Variants in SEMA6C observed in about 807,000 individuals in gnomAD.
The protein encoded by SEMA6C is semaphorin-6C.
A neutral mutation model predicts 72.9 loss-of-function variants in SEMA6C; 37 were observed. The observed-to-expected ratio is 0.51, with a 90% CI of 0.39 to 0.67. The LOEUF is 0.67. Among genes scored for constraint, SEMA6C ranks in the 30% least tolerant of loss-of-function variants. SEMA6C has a pLI of 0.00. For synonymous variants in SEMA6C, 578 were observed against 554.1 expected (o/e 1.04, Z -0.61); for missense variants, 1,189 against 1,263.6 (o/e 0.94, Z 0.89).
chr1:151,134,340 GAC>G, intron 18 of SEMA6C, 59 bp downstream of exon 18: 1 of 1,434,584 alleles, frequency 7.0e-7, no homozygotes, highest in Non-Finnish European at 9.6e-7. Context: ...GCTGCTACAG[GAC>G]ACACACTCAG....
chr1:151,137,755 A>C lies in SEMA6C; in HGVS notation c.712T>G (p.Phe238Val), dbSNP rs1682172343. 2 of 1,613,702 alleles carry C rather than the reference A, an allele frequency of 1.2e-6. No homozygotes were observed. Among genetic ancestry groups the C allele is most frequent in the African/African-American group, 1.3e-5 (1 of 74,888 alleles). ...TCCACAGAGACCTCGCGGAAGAAGAAGTAGACATGGTCTCCATGCTCCAAG... is the reference window on the plus strand; with the variant it reads ...TCCACAGAGACCTCGCGGAAGAAGACGTAGACATGGTCTCCATGCTCCAAG... The part of the protein sequence containing the change: ...QALEHGDHVY[F>V]FFREVSVEDA... Residue 238 changes from phenylalanine (F) to valine (V), a missense_variant, in exon 10 of 19, where the codon TTC (phenylalanine) becomes GTC (valine). Physicochemically the swap from Phe to Val is conservative, Grantham distance 50 (BLOSUM62 -1). Coordinates refer to ENST00000368914, the MANE Select transcript of SEMA6C (RefSeq NM_030913.6).
Position 151,132,758 on chromosome 1 carries a change from G to C in SEMA6C, c.2519C>G (p.Pro840Arg). 2 of 1,440,634 alleles carry C rather than the reference G, an allele frequency of 1.4e-6. No homozygotes were observed. Among genetic ancestry groups the C allele is most frequent in the South Asian group, 1.5e-5 (1 of 66,952 alleles). The allele number at this position is 1,440,634 out of a possible 1,614,324, so 89.2% of individuals were successfully genotyped here. ...TCCGCCGACGCCCAGCCGGGGAGCG[G>C]GGGCGGAGAGCGCGGGCCGGGCGGG... ...SAPARPALSA[P>R]APRLGVGGGR... is the part of the protein sequence containing the mutation. Residue 840 changes from proline to arginine, a missense_variant, in exon 19 of 19, where the codon CCC becomes CGC. Physicochemically the swap from Pro to Arg is moderately radical, Grantham distance 103. This residue lies in a region of SEMA6C where 721 missense variants were observed against 686.2 expected (regional missense o/e 1.05). Transcript: ENST00000368914.
At chr1:151,137,560 C>T in intron 10 of SEMA6C, 151 bp downstream of exon 10, 1 of 643,686 alleles carries the variant, frequency 1.6e-6, no homozygotes. Flanking sequence ...GATGTGGGGT[C>T]AGAGGGCTTG....
chr1:151,142,981 G>T (rs1682676335), intron 2 of SEMA6C, among the ~76,000 whole-genome samples: 1 of 152,128 alleles, frequency 6.6e-6, no homozygotes. Flanking sequence ...TTCAGTAGGT[G>T]ACACCTCCTG....
At position 151,137,057 on chromosome 1, in the gene SEMA6C, T is replaced by G; in HGVS notation, c.774A>C (p.Val258=). Residue 258 remains valine (V), a synonymous_variant, in exon 11 of 19, where the codon GTA becomes GTC. Coordinates refer to ENST00000368914, the MANE Select transcript of SEMA6C (RefSeq NM_030913.6). ...CCATGTCACGTTTACATACTCGGGCTACGCGGGAGAACTGCACCTAGGGGA... is the reference window on the plus strand; with the variant it reads ...CCATGTCACGTTTACATACTCGGGCGACGCGGGAGAACTGCACCTAGGGGA... ...ARLGRVQFSR[V]ARVCKRDMGG... 3 of 1,613,452 alleles carry G rather than the reference T, an allele frequency of 1.9e-6. No homozygotes were observed. The highest frequency in any genetic ancestry group is 2.5e-6 in the Non-Finnish European group (3 of 1,180,016).
In SEMA6C at chr1:151,132,764, G is replaced by A. The variant is rs1351645927; in HGVS notation, c.2513C>T (p.Ser838Phe). Residue 838 changes from serine (S) to phenylalanine (F), a missense_variant, in exon 19 of 19, where the codon TCC becomes TTC. By Grantham distance (155) the Ser-to-Phe change is radical. Around this residue, in one of 2 missense-constraint regions of SEMA6C, gnomAD observed 721 missense variants for 686.2 expected, o/e 1.05. Coordinates refer to ENST00000368914, the MANE Select transcript of SEMA6C (RefSeq NM_030913.6). ...CASAPARPAL[S>F]APAPRLGVGG... The stretch of plus-strand genomic sequence containing the variant: ...GACGCCCAGCCGGGGAGCGGGGGCG[G>A]AGAGCGCGGGCCGGGCGGGGGCAGA... 2.0e-5 allele frequency: 29 copies of A among 1,436,312 alleles called. No homozygotes were observed. Among genetic ancestry groups the A allele is most frequent in the Middle Eastern group, 5.0e-4 (2 of 3,996 alleles). The allele number at this position is 1,436,312 out of a possible 1,614,324, so 89.0% of individuals were successfully genotyped here. A position where few individuals can be genotyped will look rare whatever the true frequency, so the allele number is the denominator to read the frequency against.
chr1:151,135,964 G>C, intron 13 of SEMA6C, 47 bp downstream of exon 13: 1 of 1,611,124 alleles, frequency 6.2e-7, no homozygotes, highest in Non-Finnish European at 8.5e-7. Context: ...AAAGAGGAGG[G>C]TGGCTGAGAA....
chr1:151,140,769 CG>C (rs1287024085), intron 3 of SEMA6C, among the ~76,000 whole-genome samples: 3 of 152,148 alleles, frequency 2.0e-5, no homozygotes, highest in Non-Finnish European at 4.4e-5. Flanking sequence ...CCGAGGCGGG[CG>C]GATCACAAGG....
At position 151,134,796 on chromosome 1, in the gene SEMA6C, A is replaced by C. The variant is rs1572024915; in HGVS notation, c.1658+2T>G. 6.2e-7 allele frequency: 1 copy of C among 1,613,952 alleles called. No individual in the cohort carries two copies. Among genetic ancestry groups the C allele is most frequent in the Middle Eastern group, 1.6e-4 (1 of 6,062 alleles). On this transcript the variant is annotated splice_donor_variant, in intron 16 of 18. Coordinates refer to ENST00000368914, the MANE Select transcript of SEMA6C (RefSeq NM_030913.6). LOFTEE classifies it high-confidence loss of function. Reference sequence around the variant, plus strand: ...CAGGAAACCCAAGGACCCATCACTTACCCACCAGATCCCCTGATATCCACA... The same window carrying C: ...CAGGAAACCCAAGGACCCATCACTTCCCCACCAGATCCCCTGATATCCACA...
At chr1:151,140,333 G>C (rs1401857316) in intron 3 of SEMA6C, among the ~76,000 whole-genome samples, 2 of 152,228 alleles carry the variant, frequency 1.3e-5, no homozygotes, top group Non-Finnish European at 2.9e-5. Flanking sequence ...TTACAGATGA[G>C]GAGCCTGAGA....
chr1:151,133,252 C>T lies in SEMA6C; in HGVS notation c.2025G>A (p.Gln675=), dbSNP rs1681720857. ...PPPSKDGDAV[Q]TPQLYTTFLP... ...GGAAGGTGGTGTAGAGCTGCGGCGT[C>T]TGCACCGCGTCCCCGTCCTTGGAGG... is the stretch of plus-strand genomic sequence containing the variant. Residue 675 remains glutamine (Q), a synonymous_variant, in exon 19 of 19, where the codon CAG becomes CAA. Transcript: ENST00000368914. This position sits in a 1 kb window ranked among gnomAD's most constrained non-coding sequence, Gnocchi z 5.9. The T allele has an allele frequency of 2.5e-6, 4 of 1,582,790 alleles. No homozygotes were observed. The African/African-American group carries it at 4.0e-5, about 16-fold the overall frequency.
At chr1:151,140,809 A>G (rs1020109844) in intron 3 of SEMA6C, among the ~76,000 whole-genome samples, 1 of 152,210 alleles carries the variant, frequency 6.6e-6, no homozygotes, top group Non-Finnish European at 1.5e-5. Context: ...CCTGGCTAAC[A>G]TGGTGAAACC....
chr1:151,143,552 T>C (rs954648054), intron 2 of SEMA6C, among the ~76,000 whole-genome samples: 1 of 152,144 alleles, frequency 6.6e-6, no homozygotes, highest in Non-Finnish European at 1.5e-5. Context: ...AACGTGCGCC[T>C]CTCTCCCTTC....
In SEMA6C at chr1:151,138,068, C is replaced by G; in HGVS notation, c.585G>C (p.Gln195His). 1.2e-6 allele frequency: 2 copies of G among 1,614,204 alleles called. No individual in the cohort carries two copies. The highest frequency in any genetic ancestry group is 1.7e-6 in the Non-Finnish European group (2 of 1,180,028). The change falls in exon 9 of 19, where the codon CAG becomes CAC. Residue 195 changes from glutamine to histidine, a missense_variant. Gln to His is a conservative substitution (Grantham distance 24, BLOSUM62 0). This residue lies in a region of SEMA6C where 468 missense variants were observed against 577.4 expected (regional missense o/e 0.81). Coordinates refer to ENST00000368914, the MANE Select transcript of SEMA6C (RefSeq NM_030913.6). ...TTCTGTAAACTACAGCATCACTGGC[C>G]TGGAAATCCGCAGCTGTGGCTGAGT... Reference protein sequence around the residue: ...SLYSATAADFQASDAVVYRSL... With the variant: ...SLYSATAADFHASDAVVYRSL...
rs1572045778 is a variant in SEMA6C at position 151,142,652 on chromosome 1, T to G, written c.-31A>C. ...GCGGGGCAGCTCAGGCCCCAGGGGG[T>G]GCCCCCTCACCCATAAGCCGGCCCT... On this transcript the variant is annotated 5_prime_UTR_variant, in exon 3 of 19. Coordinates refer to ENST00000368914, the MANE Select transcript of SEMA6C (RefSeq NM_030913.6). 1 of 1,490,994 alleles carries G rather than the reference T, an allele frequency of 6.7e-7. No homozygotes were observed. Among genetic ancestry groups the G allele is most frequent in the Non-Finnish European group, 8.9e-7 (1 of 1,123,514 alleles). 92.4% of individuals were successfully genotyped at this position (1,490,994 alleles called of 1,614,324 possible). A position where few individuals can be genotyped will look rare whatever the true frequency, so the allele number is the denominator to read the frequency against.
intron 14 of SEMA6C, 37 bp from the exon 15 acceptor site, chr1:151,135,346 T>G: frequency 6.3e-7 from 1 of 1,591,210 alleles, no homozygotes; most frequent in East Asian, 2.2e-5. Flanking sequence ...GATGGACAGA[T>G]GAGGCTACCT....
intron 13 of SEMA6C, 64 bp from the exon 14 acceptor site, chr1:151,135,828 C>T: frequency 3.2e-6 from 5 of 1,574,258 alleles, no homozygotes; most frequent in Non-Finnish European, 4.3e-6. Context: ...TCAGGGAGAG[C>T]CCAACTGCCT....
In SEMA6C at chr1:151,140,049, C is replaced by T. The variant is rs749559549; in HGVS notation, c.160G>A (p.Ala54Thr). 2 of 1,614,174 alleles carry T rather than the reference C, an allele frequency of 1.2e-6. No individual in the cohort carries two copies. Among genetic ancestry groups the T allele is most frequent in the South Asian group, 2.2e-5 (2 of 91,090 alleles). Residue 54 changes from alanine (A) to threonine (T), a missense_variant, in exon 4 of 19, where the codon GCT (alanine) becomes ACT (threonine). By Grantham distance (58) the Ala-to-Thr change is moderately conservative. This residue lies in a region of SEMA6C where 468 missense variants were observed against 577.4 expected (regional missense o/e 0.81). Transcript: ENST00000368914. ...TCCAGCCCAAGTTCTGCAGCCACAGCATCATCCTCCAGGCCCCGAAACCAG... is the reference window on the plus strand; with the variant it reads ...TCCAGCCCAAGTTCTGCAGCCACAGTATCATCCTCCAGGCCCCGAAACCAG... ...LSWFRGLEDD[A>T]VAAELGLDFQ...
rs771307313 is a variant in SEMA6C, at chr1:151,132,932, T to G, written c.2345A>C (p.Lys782Thr). Residue 782 changes from lysine (K) to threonine (T), a missense_variant, in exon 19 of 19, where the codon AAG (lysine) becomes ACG (threonine). Physicochemically the swap from Lys to Thr is moderately conservative, Grantham distance 78. Around this residue, in one of 2 missense-constraint regions of SEMA6C, gnomAD observed 721 missense variants for 686.2 expected, o/e 1.05. Coordinates refer to ENST00000368914, the MANE Select transcript of SEMA6C (RefSeq NM_030913.6). ...TAAAGGGGCGGGGGGCTCGGCCCCC[T>G]TTCTGGGCGGCTGCGGGCCGTGCAG... ...RYLHGPQPPR[K>T]GAEPPAPLTS... 7 of 1,397,512 alleles carry G rather than the reference T, an allele frequency of 5.0e-6. No homozygotes were observed. The South Asian group carries it at 9.2e-5, about 18-fold the overall frequency. The allele number at this position is 1,397,512 out of a possible 1,614,324, so 86.6% of individuals were successfully genotyped here.
Sources: allele counts gnomAD v4.1 joint callset (sites outside exome capture counted in the v4.1 genomes callset), GRCh38; gene constraint gnomAD v4.1.1; regional missense constraint gnomAD v4.1.1; non-coding constraint Gnocchi (gnomAD v3.1); transcripts MANE v1.5; gene names NCBI Gene and HGNC (gene_info 2026-07-23, HGNC 2026-07-21).